The following ZNF677 variants were observed in gnomAD, a reference collection of about 807,000 sequenced individuals.
The protein encoded by ZNF677 is zinc finger protein 677.
A neutral mutation model predicts 8.1 loss-of-function variants in ZNF677; 5 were observed. The ratio of observed to expected loss-of-function variants is 0.62; its 90% CI spans 0.32 to 1.29. The LOEUF is 1.29. Among genes scored for constraint, ZNF677 ranks in the 50% most tolerant of loss-of-function variants. The pLI is 0.05. For synonymous variants in ZNF677, 221 were observed against 225.6 expected, an observed-to-expected ratio of 0.98 and a Z score of 0.18; for missense variants, 685 against 685.9, an observed-to-expected ratio of 1.00 and a Z score of 0.01.
At chr19:53,248,916 T>C (rs1416921332) in intron 3 of ZNF677, among the ~76,000 whole-genome samples, 1 of 152,180 alleles carries the variant, frequency 6.6e-6, no homozygotes, top group African/African-American at 2.4e-5. Context: ...TCTTGGAAAA[T>C]TCTTATTAAG....
At chr19:53,253,276 T>G (rs2091263269) in intron 1 of ZNF677, 120 bp from the exon 2 acceptor site, 1 of 152,346 alleles carries the variant, frequency 6.6e-6, no homozygotes, top group African/African-American at 2.4e-5. Flanking sequence ...CAAGGTCAAC[T>G]GTATTAAACT....
At chr19:53,243,925 G>A in intron 3 of ZNF677, 28 bp from the exon 4 acceptor site, 1 of 1,542,710 alleles carries the variant, frequency 6.5e-7, no homozygotes, top group Non-Finnish European at 8.7e-7. Flanking sequence ...TTCACCAAGT[G>A]GACACAGGAA....
chr19:53,244,540 C>T (rs1469800996), intron 3 of ZNF677, among the ~76,000 whole-genome samples: 2 of 152,238 alleles, frequency 1.3e-5, no homozygotes, highest in South Asian at 2.1e-4. Context: ...ATAAGCTTAC[C>T]CAAATAGGTA....
intron 1 of ZNF677, among the ~76,000 whole-genome samples, chr19:53,253,370 A>C (rs1285242699): frequency 6.6e-6 from 1 of 152,242 alleles, no homozygotes; most frequent in African/African-American, 2.4e-5. Context: ...CAGACATAAA[A>C]GAATAGTTCC....
rs75862852 is a variant in ZNF677 at position 53,238,884 on chromosome 19, T to C, written c.170-327A>G. 464 of 180,066 alleles carry C rather than the reference T, an allele frequency of 2.6e-3. 2 individuals are homozygous for C. Among genetic ancestry groups the C allele is most frequent in the Admixed American group, 5.1e-3 (91 of 17,938 alleles). The allele number at this position is 180,066 out of a possible 1,614,324, so 11.2% of individuals were successfully genotyped here. ...AGGAACACGTAAATTGGCATAGCTA[T>C]ATGGTAGTCTCATATTTGAAGATAA... On this transcript the variant is annotated intron_variant, in intron 4 of 4. Transcript: ENST00000598513.
chr19:53,248,171 GATA>G (rs1351207750), intron 3 of ZNF677, among the ~76,000 whole-genome samples: 2 of 152,162 alleles, frequency 1.3e-5, no homozygotes, highest in East Asian at 3.9e-4. Flanking sequence ...ATCAGAAGCT[GATA>G]ATAATTAAGT....
At chr19:53,249,006 A>C (rs913221161) in intron 3 of ZNF677, 3 of 152,138 alleles carry the variant, frequency 2.0e-5, no homozygotes, top group Non-Finnish European at 4.4e-5. Flanking sequence ...CAGATTAAAT[A>C]ATTTCAATTA....
chr19:53,252,335 C>A (rs1397728976), intron 2 of ZNF677, among the ~76,000 whole-genome samples: 2 of 152,138 alleles, frequency 1.3e-5, no homozygotes, highest in African/African-American at 4.8e-5. Flanking sequence ...CTGGTATACC[C>A]ATCATCTCCA....
At chr19:53,250,488 T>A (rs1004401917) in intron 3 of ZNF677, among the ~76,000 whole-genome samples, 1 of 152,160 alleles carries the variant, frequency 6.6e-6, no homozygotes, top group South Asian at 2.1e-4. Context: ...CACGGAATAC[T>A]ATGTAGCCAT....
Position 53,237,570 on chromosome 19 carries a change from T to G in ZNF677, c.1157A>C (p.Glu386Ala). The part of the protein sequence containing the change: ...KCNECDKAFA[E>A]RSSLTQHKRI... ...CTTATGTTGGGTAAGGCTTGAACGT[T>G]CAGCAAAGGCTTTGTCACATTCATT... The change falls in exon 5 of 5, where the codon GAA (glutamate) becomes GCA (alanine). Residue 386 changes from glutamate (E) to alanine (A), a missense_variant. Coordinates refer to ENST00000598513, the MANE Select transcript of ZNF677 (RefSeq NM_182609.4). 1 of 1,613,812 alleles carries G rather than the reference T, an allele frequency of 6.2e-7. No homozygotes were observed. The highest frequency in any genetic ancestry group is 8.5e-7 in the Non-Finnish European group (1 of 1,179,904).
intron 3 of ZNF677, among the ~76,000 whole-genome samples, chr19:53,250,042 T>C (rs1033982558): frequency 6.6e-6 from 1 of 152,212 alleles, no homozygotes; most frequent in Non-Finnish European, 1.5e-5. Context: ...CCAGCTAATT[T>C]TGTATTTTTA....
intron 3 of ZNF677, chr19:53,249,071 T>C (rs1002492707): frequency 6.6e-6 from 1 of 152,218 alleles, no homozygotes; most frequent in Non-Finnish European, 1.5e-5. Flanking sequence ...CTTGAAACTT[T>C]ATAGTTGAAA....
In ZNF677 at chr19:53,237,283, T is replaced by G; in HGVS notation, c.1444A>C (p.Thr482Pro). The G allele has an allele frequency of 1.2e-6, 2 of 1,613,716 alleles. No homozygotes were observed. The highest frequency in any genetic ancestry group is 2.2e-5 in the East Asian group (1 of 44,854). The change falls in exon 5 of 5, where the codon ACT becomes CCT. Residue 482 changes from threonine to proline, a missense_variant. Physicochemically the swap from Thr to Pro is conservative, Grantham distance 38. Coordinates refer to ENST00000598513, the MANE Select transcript of ZNF677 (RefSeq NM_182609.4). ...SHLWGHQRTH[T>P]GEKPYKCTEC... ...GTACATTTGTAAGGTTTCTCTCCAG[T>G]ATGAGTTCTCTGATGACCCCAAAGG...
Position 53,237,644 on chromosome 19 carries a change from G to A in ZNF677, c.1083C>T (p.His361=). 6.2e-7 allele frequency: 1 copy of A among 1,613,376 alleles called. No homozygotes were observed. The highest frequency in any genetic ancestry group is 1.1e-5 in the South Asian group (1 of 90,924). Residue 361 remains histidine (H), a synonymous_variant, in exon 5 of 5, where the codon CAC becomes CAT. Coordinates refer to ENST00000598513, the MANE Select transcript of ZNF677 (RefSeq NM_182609.4). The part of the protein sequence containing the change: ...ECGKAFIQRS[H]LWGHERIHTG... ...TATGAATTCTTTCATGACCCCAAAG[G>A]TGTGAACGCTGGATAAATGCCTTAC...
At position 53,237,422 on chromosome 19, in the gene ZNF677, CACATT is replaced by C. The variant is rs1376828508; in HGVS notation, c.1300_1304del (p.Asn434ValfsTer27). Reference sequence around the variant, plus strand: ...AACTTTGGATAAAAGCCCTGCCACACACATTACATTTGTGTGGTTTCTCTCCAGGA... The same window carrying C: ...AACTTTGGATAAAAGCCCTGCCACACACATTTGTGTGGTTTCTCTCCAGGA... On this transcript the variant is annotated frameshift_variant, in exon 5 of 5. Transcript: ENST00000598513. LOFTEE classifies it low-confidence loss of function (END_TRUNC). 6.2e-7 allele frequency: 1 copy of C among 1,613,824 alleles called. No homozygotes were observed. Among genetic ancestry groups the C allele is most frequent in the Admixed American group, 1.7e-5 (1 of 59,990 alleles).
rs2090975268 is a variant in ZNF677, at chr19:53,236,719, G to C, written c.*253C>G. 3.3e-6 allele frequency: 1 copy of C among 300,664 alleles called. No homozygotes were observed. The highest frequency in any genetic ancestry group is 6.1e-6 in the Non-Finnish European group (1 of 163,926). The allele number at this position is 300,664 out of a possible 1,614,324, so 18.6% of individuals were successfully genotyped here. ...ATGGTTTCCATCCTGAATGTCTTCT[G>C]TTATAACCATAATAGGGTAAATATT... On this transcript the variant is annotated 3_prime_UTR_variant, in exon 5 of 5. Transcript: ENST00000598513.
chr19:53,238,042 G>C lies in ZNF677; in HGVS notation c.685C>G (p.Leu229Val). The C allele has an allele frequency of 6.2e-7, 1 of 1,614,000 alleles. No homozygotes were observed. The highest frequency in any genetic ancestry group is 8.5e-7 in the Non-Finnish European group (1 of 1,179,978). Reference protein sequence around the residue: ...KSINSSSVSPLPPCVKNICNK... With the variant: ...KSINSSSVSPVPPCVKNICNK... The stretch of plus-strand genomic sequence containing the variant: ...CAAATGTTTTTGACACAAGGAGGAA[G>C]TGGTGAAACTGAGGAACTATTGATA... The change falls in exon 5 of 5, where the codon CTT becomes GTT. Residue 229 changes from leucine (L) to valine (V), a missense_variant. Leu to Val is a conservative substitution (Grantham distance 32, BLOSUM62 1). Transcript: ENST00000598513.
chr19:53,243,719 T>C, intron 4 of ZNF677, 25 bp downstream of exon 4: 2 of 1,613,786 alleles, frequency 1.2e-6, no homozygotes, highest in East Asian at 2.2e-5. Flanking sequence ...CAAGGAAAAA[T>C]GTAAAGATGT....
intron 2 of ZNF677, 35 bp from the exon 3 acceptor site, chr19:53,251,640 A>T (rs376998797): frequency 2.7e-6 from 4 of 1,507,756 alleles, no homozygotes; most frequent in African/African-American, 1.4e-5. Context: ...AATGCTTAAA[A>T]TCAACACACC....
Sources: gnomAD v4.1 joint callset for allele counts (sites outside exome capture counted in the v4.1 genomes callset) on GRCh38, gnomAD v4.1.1 for gene constraint, MANE v1.5 for transcripts, NCBI Gene and HGNC (gene_info 2026-07-23, HGNC 2026-07-21) for gene names.